Variants in TKT observed in about 807,000 individuals in gnomAD.
TKT encodes transketolase.
TKT carries 47 observed loss-of-function variants against 63.9 expected under a neutral mutation model. The observed-to-expected ratio is 0.74, with a 90% CI of 0.58 to 0.94. The LOEUF (loss-of-function observed/expected upper bound fraction) is 0.94. TKT is among the 40% of genes least tolerant of loss of function. The pLI is 0.00. For missense variants in TKT, 721 were observed against 846.2 expected (o/e 0.85, Z 1.84); for synonymous variants, 338 against 334.1 (o/e 1.01, Z -0.13).
At position 53,242,278 on chromosome 3, in the gene TKT, T is replaced by C. The variant is rs1553680096; in HGVS notation, c.108-36A>G. 3.1e-6 allele frequency: 5 copies of C among 1,595,874 alleles called. No individual in the cohort carries two copies. In the African/African-American group the frequency reaches 5.4e-5, roughly 17 times the overall value. On this transcript the variant is annotated intron_variant, in intron 1 of 13. Transcript: ENST00000462138. ...GGAGAGAAGACAGACACAGGCATCA[T>C]GGCCCTGCACTCCTGAGCTATTGTG... is the stretch of plus-strand genomic sequence containing the variant.
chr3:53,247,074 T>A (rs1705540618), intron 1 of TKT, among the ~76,000 whole-genome samples: 1 of 151,060 alleles, frequency 6.6e-6, no homozygotes, highest in African/African-American at 2.4e-5. Context: ...TTTTTTTTTT[T>A]TAAATATTCA....
At chr3:53,232,145 G>C (rs553493699) in intron 6 of TKT, 144 of 391,018 alleles carry the variant, frequency 3.7e-4, no homozygotes, top group Non-Finnish European at 5.6e-4. Flanking sequence ...AGTCACTAGA[G>C]TCTGGCCAGA....
intron 3 of TKT, 139 bp from the exon 4 acceptor site, chr3:53,240,487 A>G (rs1705227482): frequency 1.5e-6 from 1 of 648,084 alleles, no homozygotes; most frequent in Admixed American, 3.1e-5. Context: ...TCTACCTAGC[A>G]TGTGACTTCT....
intron 2 of TKT, among the ~76,000 whole-genome samples, 180 bp from the exon 3 acceptor site, chr3:53,241,425 C>T (rs923907612): frequency 3.3e-5 from 5 of 152,268 alleles, no homozygotes; most frequent in Non-Finnish European, 5.9e-5. Context: ...TCTTGGTTTT[C>T]AGCCCAAAGT....
Position 53,235,032 on chromosome 3 carries a change from G to A in TKT, c.580C>T (p.Pro194Ser), listed in dbSNP as rs782629032. Reference sequence around the variant, plus strand: ...TAGATGTCCATCTGGTGCTGCAGTGGGGCCGGGTCACTCTGGCCCAGGCGA... The same window carrying A: ...TAGATGTCCATCTGGTGCTGCAGTGAGGCCGGGTCACTCTGGCCCAGGCGA... Reference protein sequence around the residue: ...INRLGQSDPAPLQHQMDIYQK... With the variant: ...INRLGQSDPASLQHQMDIYQK... The change falls in exon 5 of 14, where the codon CCA becomes TCA. Residue 194 changes from proline to serine, a missense_variant. By Grantham distance (74) the Pro-to-Ser change is moderately conservative (BLOSUM62 -1). Coordinates refer to ENST00000462138, the MANE Select transcript of TKT (RefSeq NM_001064.4). 5.0e-6 allele frequency: 8 copies of A among 1,613,900 alleles called. No homozygotes were observed. Among genetic ancestry groups the A allele is most frequent in the Non-Finnish European group, 5.9e-6 (7 of 1,179,982 alleles).
rs958008008 is a variant in TKT, at chr3:53,231,460, C to T, written c.839G>A (p.Ser280Asn). ...AGGGGTTGCCAGGATCTTCTTTTTG[C>T]TCTGGATCTGGCTGTAGATCTCCTG... ...IIQEIYSQIQ[S>N]KKKILATPPQ... Residue 280 changes from serine to asparagine, a missense_variant, in exon 7 of 14, where the codon AGC (serine) becomes AAC (asparagine). Coordinates refer to ENST00000462138, the MANE Select transcript of TKT (RefSeq NM_001064.4). 6.2e-6 allele frequency: 10 copies of T among 1,614,148 alleles called. No individual in the cohort carries two copies. The highest frequency in any genetic ancestry group is 8.5e-6 in the Non-Finnish European group (10 of 1,180,012).
At chr3:53,254,953 C>A (rs956875505) in intron 1 of TKT, among the ~76,000 whole-genome samples, 4 of 152,266 alleles carry the variant, frequency 2.6e-5, no homozygotes, top group Non-Finnish European at 5.9e-5. Flanking sequence ...CTGGGAGATA[C>A]AGCACCTGGT....
chr3:53,242,164 G>T lies in TKT; in HGVS notation c.186C>A (p.Asp62Glu). The T allele has an allele frequency of 6.2e-7, 1 of 1,614,170 alleles. No individual in the cohort carries two copies. Among genetic ancestry groups the T allele is most frequent in the Non-Finnish European group, 8.5e-7 (1 of 1,180,024 alleles). ...FFHTMRYKSQ[D>E]PRNPHNDRFV... ...AGCGGTCATTGTGCGGATTCCGGGG[G>T]TCCTGGGACTTGTAGCGCATGGTGT... is the stretch of plus-strand genomic sequence containing the variant. Residue 62 changes from aspartate to glutamate, a missense_variant, in exon 2 of 14, where the codon GAC becomes GAA. Physicochemically the swap from Asp to Glu is conservative, Grantham distance 45. Transcript: ENST00000462138.
intron 1 of TKT, among the ~76,000 whole-genome samples, chr3:53,243,217 C>G (rs1205325526): frequency 6.6e-6 from 1 of 151,984 alleles, no homozygotes; most frequent in Non-Finnish European, 1.5e-5. Flanking sequence ...TCCTGCTTCC[C>G]AGCAGGAAGC....
intron 1 of TKT, among the ~76,000 whole-genome samples, chr3:53,252,072 G>A (rs1474488606): frequency 5.9e-5 from 9 of 152,314 alleles, no homozygotes; most frequent in Admixed American, 3.9e-4. Context: ...CCTGGGAGGC[G>A]GAGTTTGTGG....
At chr3:53,226,673 G>T (rs1704509500) in intron 13 of TKT, 83 bp downstream of exon 13, 1 of 1,596,264 alleles carries the variant, frequency 6.3e-7, no homozygotes, top group South Asian at 1.1e-5. Context: ...TGCCCTCCTG[G>T]GGCTCAGATA....
Position 53,239,935 on chromosome 3 carries a change from G to T in TKT, c.437+316C>A, listed in dbSNP as rs188232885. 4.6e-5 allele frequency among the ~76,000 whole-genome samples: 7 copies of T among 152,272 alleles called. No homozygotes were observed. In the East Asian group the frequency reaches 1.4e-3, roughly 29 times the overall value. ...GGGCACAGGGCTGGGGGCAAAACAGGAAGTCCTCAGCCTAAGCACTCTGGC... is the reference window on the plus strand; with the variant it reads ...GGGCACAGGGCTGGGGGCAAAACAGTAAGTCCTCAGCCTAAGCACTCTGGC... On this transcript the variant is annotated intron_variant, in intron 4 of 13. Transcript: ENST00000462138.
At chr3:53,226,597 G>T in intron 13 of TKT, 159 bp downstream of exon 13, 2 of 1,015,174 alleles carry the variant, frequency 2.0e-6, no homozygotes, top group Non-Finnish European at 2.9e-6. Context: ...GGCCAAGCCT[G>T]AGGCCTTTTA....
At chr3:53,234,905 C>A in intron 5 of TKT, 78 bp downstream of exon 5, 1 of 1,430,276 alleles carries the variant, frequency 7.0e-7, no homozygotes, top group Non-Finnish European at 9.4e-7. Context: ...TCAGCTCCTG[C>A]ACCTGCACCT....
Position 53,238,174 on chromosome 3 carries a change from C to G in TKT, c.437+2077G>C, listed in dbSNP as rs527298944. Among the ~76,000 whole-genome samples, 3 of 152,312 alleles carry G rather than the reference C, an allele frequency of 2.0e-5. No individual in the cohort carries two copies. In the East Asian group the frequency reaches 5.8e-4, roughly 29 times the overall value. ...CCTGGCTTCTGGGAACCCAGCTAAA[C>G]TCCTTCTCCCTACACTGACTTGTTC... On this transcript the variant is annotated intron_variant, in intron 4 of 13. Coordinates refer to ENST00000462138, the MANE Select transcript of TKT (RefSeq NM_001064.4).
At chr3:53,254,627 C>T (rs1353904276) in intron 1 of TKT, among the ~76,000 whole-genome samples, 1 of 152,230 alleles carries the variant, frequency 6.6e-6, no homozygotes, top group East Asian at 1.9e-4. Flanking sequence ...GCCCTCACAA[C>T]CCTGTCATGA....
At chr3:53,247,378 A>AAAT (rs1553681097) in intron 1 of TKT, among the ~76,000 whole-genome samples, 50 of 147,554 alleles carry the variant, frequency 3.4e-4, no homozygotes, top group Non-Finnish European at 6.1e-4. Context: ...AAAAAAAAAA[A>AAAT]TTTAGAAGAG....
At chr3:53,243,461 G>A (rs1403631518) in intron 1 of TKT, 13 of 391,876 alleles carry the variant, frequency 3.3e-5, no homozygotes, top group Non-Finnish European at 6.2e-5. Context: ...TCCAATCAGC[G>A]CTCCCACCAG....
rs115942480 is a variant in TKT, at chr3:53,254,135, T to C, written c.107+1701A>G. On this transcript the variant is annotated intron_variant, in intron 1 of 13. Coordinates refer to ENST00000462138, the MANE Select transcript of TKT (RefSeq NM_001064.4). Reference sequence around the variant, plus strand: ...CCTGTAAACATCTGCATGTTTTATCTAGCCCTGAAAGATGCTCAGATGTGC... The same window carrying C: ...CCTGTAAACATCTGCATGTTTTATCCAGCCCTGAAAGATGCTCAGATGTGC... 8.1e-3 allele frequency among the ~76,000 whole-genome samples: 1,241 copies of C among 152,344 alleles called. 6 individuals are homozygous for C. The highest frequency in any genetic ancestry group is 0.014 in the Non-Finnish European group (969 of 68,028).
Sources: gnomAD v4.1 joint callset for allele counts (sites outside exome capture counted in the v4.1 genomes callset) on GRCh38, gnomAD v4.1.1 for gene constraint, MANE v1.5 for transcripts, NCBI Gene and HGNC (gene_info 2026-07-23, HGNC 2026-07-21) for gene names.